CSGALNACT1: variants seen among roughly 807,000 people sequenced by gnomAD.
CSGALNACT1 encodes the protein beta4GalNAcT-1.
In CSGALNACT1, 52 loss-of-function variants were observed where a neutral mutation model predicts 51.0. That is an observed-to-expected ratio of 1.02 (90% CI 0.82 to 1.29). CSGALNACT1 has a LOEUF of 1.29. CSGALNACT1 is among the 50% of genes most tolerant of loss of function. The probability of loss-of-function intolerance (pLI) is 0.00; values close to 1 mark genes in which losing one functional copy is unlikely to be tolerated. For synonymous variants in CSGALNACT1, 341 were observed against 254.4 expected, an observed-to-expected ratio of 1.34 and a Z score of -3.24; for missense variants, 935 against 679.2, an observed-to-expected ratio of 1.38 and a Z score of -4.19.
chr8:19,449,289 CA>C (rs1563453676), intron 5 of CSGALNACT1, among the ~76,000 whole-genome samples: 1 of 152,148 alleles, frequency 6.6e-6, no homozygotes, highest in African/African-American at 2.4e-5. Context: ...TATAGATTAG[CA>C]TCTCTCAAAC....
intron 1 of CSGALNACT1, among the ~76,000 whole-genome samples, chr8:19,663,430 C>G (rs1160742160): frequency 1.3e-5 from 2 of 152,166 alleles, no homozygotes; most frequent in Non-Finnish European, 2.9e-5. Flanking sequence ...ATATTCAGAG[C>G]AAATTTTAAG....
chr8:19,568,320 G>C (rs1478507553), intron 3 of CSGALNACT1, among the ~76,000 whole-genome samples: 4 of 152,142 alleles, frequency 2.6e-5, no homozygotes, highest in Non-Finnish European at 5.9e-5. Context: ...ACAAGGGTAA[G>C]TATTTGTGTA....
At chr8:19,745,359 T>C (rs1443979849) in intron 1 of CSGALNACT1, among the ~76,000 whole-genome samples, 1 of 152,218 alleles carries the variant, frequency 6.6e-6, no homozygotes, top group Admixed American at 6.5e-5. Context: ...TGATACATAA[T>C]AATTGTACAT....
At chr8:19,568,664 C>T (rs888788020) in intron 3 of CSGALNACT1, among the ~76,000 whole-genome samples, 1 of 152,036 alleles carries the variant, frequency 6.6e-6, no homozygotes, top group Non-Finnish European at 1.5e-5. Context: ...ATATATAAAA[C>T]TTCAAAAAAT....
At chr8:19,667,016 A>AAAGAAAGG (rs2059384235) in intron 1 of CSGALNACT1, among the ~76,000 whole-genome samples, 6 of 43,468 alleles carry the variant, frequency 1.4e-4, no homozygotes, top group East Asian at 5.3e-4. Flanking sequence ...AGAAAGAAAG[A>AAAGAAAGG]AAGGAAGGAA....
rs142837954 is a variant in CSGALNACT1 at position 19,577,855 on chromosome 8, A to G, written c.-297+13305T>C. Among the ~76,000 whole-genome samples, 16 of 152,334 alleles carry G rather than the reference A, an allele frequency of 1.1e-4. No individual in the cohort carries two copies. The Middle Eastern group carries it at 0.01, about 97-fold the overall frequency. On this transcript the variant is annotated intron_variant, in intron 3 of 9. Transcript: ENST00000454498. ...GGCTGAGATGCCTCCCAGGTCCCCT[A>G]TAGCACTCACAGCCAATGGCTGAGC... is the stretch of plus-strand genomic sequence containing the variant.
rs548807071 is a variant in CSGALNACT1, at chr8:19,566,816, C to A, written c.-297+24344G>T. Among the ~76,000 whole-genome samples the A allele has an allele frequency of 2.2e-4, 33 of 152,240 alleles. No homozygotes were observed. In the South Asian group the frequency reaches 5.8e-3, roughly 27 times the overall value. ...AGGATAACAACAGGCTACCCCTCAA[C>A]GATTCACGGAGTCTTAGAGCAAAAG... On this transcript the variant is annotated intron_variant, in intron 3 of 9. Transcript: ENST00000454498.
chr8:19,495,859 G>A (rs2075356287), intron 4 of CSGALNACT1, among the ~76,000 whole-genome samples: 1 of 152,192 alleles, frequency 6.6e-6, no homozygotes, highest in Non-Finnish European at 1.5e-5. Context: ...GGGAAATATA[G>A]GGAAAAGGTA....
Position 19,707,932 on chromosome 8 carries a change from G to T in CSGALNACT1, c.-297+49918C>A, listed in dbSNP as rs114092644. 9.2e-5 allele frequency among the ~76,000 whole-genome samples: 14 copies of T among 152,226 alleles called. No homozygotes were observed. In the East Asian group the frequency reaches 2.3e-3, roughly 25 times the overall value. ...TGGAGAATCGCTTGAACCCAAGGAG[G>T]GGGAGGCAGAGGTTGCAGTGAGCTG... On this transcript the variant is annotated intron_variant, in intron 1 of 1. Coordinates refer to the CSGALNACT1 transcript ENST00000517494.
exon 4 of CSGALNACT1, chr8:19,505,990 G>A: frequency 1.3e-6 from 1 of 795,164 alleles, no homozygotes; most frequent in East Asian, 2.7e-5. Flanking sequence ...GCCTCTTGGA[G>A]TTAACCACCA....
intron 3 of CSGALNACT1, among the ~76,000 whole-genome samples, chr8:19,546,221 T>C (rs1231745919): frequency 2.0e-5 from 3 of 152,188 alleles, no homozygotes; most frequent in Non-Finnish European, 4.4e-5. Context: ...TATTTATCTG[T>C]CAAGTATATA....
intron 4 of CSGALNACT1, among the ~76,000 whole-genome samples, chr8:19,503,288 T>G (rs1370497738): frequency 6.6e-6 from 1 of 152,220 alleles, no homozygotes; most frequent in Non-Finnish European, 1.5e-5. Flanking sequence ...AAATCAATAC[T>G]GAGTAGCTAT....
chr8:19,492,631 G>A lies in CSGALNACT1; in HGVS notation c.634+12570C>T, dbSNP rs2074596798. On this transcript the variant is annotated intron_variant, in intron 4 of 9. Transcript: ENST00000454498. ...TGCCCTAAAGGCTTTCAGGATAAGGGCATGTTCCATTCAACACCAGCTGGA... is the reference window on the plus strand; with the variant it reads ...TGCCCTAAAGGCTTTCAGGATAAGGACATGTTCCATTCAACACCAGCTGGA... Among the ~76,000 whole-genome samples, 2 of 152,158 alleles carry A rather than the reference G, an allele frequency of 1.3e-5. 1 individual carries two copies. The highest frequency in any genetic ancestry group is 1.3e-4 in the Admixed American group (2 of 15,286).
chr8:19,421,925 C>T (rs529460004), intron 6 of CSGALNACT1, among the ~76,000 whole-genome samples: 7 of 152,146 alleles, frequency 4.6e-5, no homozygotes, highest in Non-Finnish European at 7.4e-5. Flanking sequence ...AGTCTGGAAA[C>T]CTGGATCCAG....
chr8:19,561,301 A>C (rs537637397), intron 3 of CSGALNACT1, among the ~76,000 whole-genome samples: 2 of 152,180 alleles, frequency 1.3e-5, no homozygotes, highest in Admixed American at 6.5e-5. Flanking sequence ...ATTTTTGTAC[A>C]TATTTTTGGT....
At chr8:19,550,747 A>G (rs1274672741) in intron 3 of CSGALNACT1, among the ~76,000 whole-genome samples, 2 of 152,194 alleles carry the variant, frequency 1.3e-5, no homozygotes, top group Admixed American at 1.3e-4. Context: ...GGTCTTTCTC[A>G]GATGTGAATC....
chr8:19,597,912 T>C (rs550531540), intron 2 of CSGALNACT1, among the ~76,000 whole-genome samples: 6 of 152,276 alleles, frequency 3.9e-5, no homozygotes, highest in Non-Finnish European at 7.4e-5. Flanking sequence ...CAGTAAATAA[T>C]TATGAACAAT....
chr8:19,423,873 T>C (rs546079389), intron 6 of CSGALNACT1, among the ~76,000 whole-genome samples: 52 of 152,348 alleles, frequency 3.4e-4, no homozygotes, highest in Non-Finnish European at 6.5e-4. Flanking sequence ...TCACTTCATG[T>C]GTCCACAGGC....
At chr8:19,620,597 A>G (rs2154160535) in intron 1 of CSGALNACT1, among the ~76,000 whole-genome samples, 1 of 151,896 alleles carries the variant, frequency 6.6e-6, no homozygotes, top group South Asian at 2.1e-4. Context: ...AGGCCTGGCT[A>G]ATTTATGTTT....
Sources: gnomAD v4.1 joint callset for allele counts (sites outside exome capture counted in the v4.1 genomes callset) on GRCh38, gnomAD v4.1.1 for gene constraint, MANE v1.5 for transcripts, NCBI Gene and HGNC (gene_info 2026-07-23, HGNC 2026-07-21) for gene names.